CXADR: variants seen among roughly 807,000 people sequenced by gnomAD.
CXADR encodes coxsackievirus and adenovirus receptor.
Under a neutral mutation model 40.3 loss-of-function variants are expected in CXADR, and 20 were observed. The ratio of observed to expected loss-of-function variants is 0.50; its 90% CI spans 0.35 to 0.72. The LOEUF (loss-of-function observed/expected upper bound fraction) is 0.72. CXADR is among the 30% of genes least tolerant of loss of function. The pLI is 0.01. For missense variants in CXADR, 332 were observed against 449.1 expected (o/e 0.74, Z 2.36); for synonymous variants, 150 against 161.3 (o/e 0.93, Z 0.53).
At chr21:17,562,899 G>A (rs777473109) in intron 6 of CXADR, among the ~76,000 whole-genome samples, 15 of 152,278 alleles carry the variant, frequency 9.9e-5, no homozygotes, top group African/African-American at 1.7e-4. Flanking sequence ...ATTGAATAGA[G>A]TTAGGGCCTT....
intron 5 of CXADR, 116 bp downstream of exon 5, chr21:17,560,940 C>T: frequency 7.0e-7 from 1 of 1,432,644 alleles, no homozygotes; most frequent in South Asian, 1.7e-5. Context: ...GATCAGAACA[C>T]TGTGGTTTGA....
At chr21:17,576,245 T>C (rs946055083) in intron 7 of CXADR, among the ~76,000 whole-genome samples, 2 of 152,158 alleles carry the variant, frequency 1.3e-5, no homozygotes, top group Non-Finnish European at 2.9e-5. Flanking sequence ...AGAAATACTT[T>C]GGTCAGGATA....
the CXADR span, among the ~76,000 whole-genome samples, chr21:17,625,457 A>C: frequency 1.3e-5 from 2 of 152,200 alleles, 1 homozygote; most frequent in Non-Finnish European, 2.9e-5. Flanking sequence ...TTATATATGT[A>C]TCAAAATAAT....
downstream of CXADR, among the ~76,000 whole-genome samples, chr21:17,570,631 G>A (rs2061270343): frequency 6.6e-6 from 1 of 152,126 alleles, no homozygotes. Flanking sequence ...ACTTCCCAGA[G>A]GGGCCCCACA....
chr21:17,583,509 CTGT>C (rs1209640288), intron 7 of CXADR, among the ~76,000 whole-genome samples: 1 of 152,160 alleles, frequency 6.6e-6, no homozygotes, highest in African/African-American at 2.4e-5. Context: ...ATATGTATAA[CTGT>C]TGTACATCAT....
chr21:17,593,223 G>A lies in CXADR; in HGVS notation c.*30G>A. ...GGACTACTGAAGAATCTGAAGTATT[G>A]TATTATTTGACTTTATTTTAGGCCT... On this transcript the variant is annotated 3_prime_UTR_variant, in exon 8 of 8. Transcript: ENST00000400169. The A allele has an allele frequency of 5.0e-6, 7 of 1,391,196 alleles. No homozygotes were observed. The Admixed American group carries it at 9.0e-5, about 18-fold the overall frequency. The allele number at this position is 1,391,196 out of a possible 1,614,324, so 86.2% of individuals were successfully genotyped here.
chr21:17,586,005 A>T (rs1264945884), intron 7 of CXADR, among the ~76,000 whole-genome samples: 1 of 152,212 alleles, frequency 6.6e-6, no homozygotes, highest in Non-Finnish European at 1.5e-5. Flanking sequence ...TTCCTGTAGA[A>T]GCTAGATTAT....
chr21:17,551,932 A>C lies in CXADR; in HGVS notation c.394A>C (p.Lys132Gln). The change falls in exon 3 of 7, where the codon AAG becomes CAG. Residue 132 changes from lysine (K) to glutamine (Q), a missense_variant. Physicochemically the swap from Lys to Gln is moderately conservative, Grantham distance 53. Coordinates refer to ENST00000284878, the MANE Select transcript of CXADR (RefSeq NM_001338.5). ...VKKAPGVANK[K>Q]IHLVVLVKPS... The stretch of plus-strand genomic sequence containing the variant: ...AAAAGCTCCTGGTGTTGCAAATAAG[A>C]AGATTCATCTGGTAGTTCTTGGTAA... The C allele has an allele frequency of 6.2e-7, 1 of 1,613,538 alleles. No homozygotes were observed. The highest frequency in any genetic ancestry group is 8.5e-7 in the Non-Finnish European group (1 of 1,179,494).
chr21:17,593,401 T>C (rs945333293), exon 8 of CXADR: 38 of 367,440 alleles, frequency 1.0e-4, no homozygotes, highest in African/African-American at 7.7e-4. Flanking sequence ...TAAAAAACCC[T>C]ATGTATAGTG....
rs2060410091 is a variant in CXADR, at chr21:17,513,058, A to T, written c.-72A>T. 1 of 1,293,596 alleles carries T rather than the reference A, an allele frequency of 7.7e-7. No homozygotes were observed. The highest frequency in any genetic ancestry group is 2.3e-5 in the South Asian group (1 of 42,664). The allele number at this position is 1,293,596 out of a possible 1,614,324, so 80.1% of individuals were successfully genotyped here. ...GCCGCGAGCCAGTCGGGAGCGCGCG[A>T]GGCGCGGGGAGCCTGGGACCAGGAG... On this transcript the variant is annotated 5_prime_UTR_variant, in exon 1 of 7. Transcript: ENST00000284878.
Position 17,531,298 on chromosome 21 carries a change from C to CA in CXADR, c.44-15716dup, listed in dbSNP as rs112689570. Among the ~76,000 whole-genome samples the CA allele has an allele frequency of 3.3e-3, 420 of 128,092 alleles. 3 individuals are homozygous for CA. The South Asian group carries it at 0.037, about 11-fold the overall frequency. The allele number at this position is 128,092 out of a possible 152,430, so 84.0% of individuals were successfully genotyped here. ...TGGGCGACGGAACGAGACTCTGTCT[C>CA]AAAAAAAAAAAAAGAAAAGAAAAAA... On this transcript the variant is annotated intron_variant, in intron 1 of 6. Coordinates refer to ENST00000284878, the MANE Select transcript of CXADR (RefSeq NM_001338.5).
chr21:17,563,891 A>G lies in CXADR; in HGVS notation c.834-1537A>G, dbSNP rs1383012635. Among the ~76,000 whole-genome samples, 3 of 135,096 alleles carry G rather than the reference A, an allele frequency of 2.2e-5. No homozygotes were observed. The East Asian group carries it at 7.5e-4, about 34-fold the overall frequency. The allele number at this position is 135,096 out of a possible 152,430, so 88.6% of individuals were successfully genotyped here. ...GGGAGGTGGAGCTTGCAGTGAGCTG[A>G]GATCACGCCACTGCACTCCAGCCTG... is the stretch of plus-strand genomic sequence containing the variant. On this transcript the variant is annotated intron_variant, in intron 6 of 6. Transcript: ENST00000284878.
chr21:17,531,891 C>T (rs1468969683), intron 1 of CXADR, among the ~76,000 whole-genome samples: 2 of 151,514 alleles, frequency 1.3e-5, no homozygotes, highest in African/African-American at 4.9e-5. Flanking sequence ...GCTACGGTAC[C>T]TAGGGTCTAA....
At chr21:17,539,400 A>G (rs1181304144) in intron 1 of CXADR, among the ~76,000 whole-genome samples, 2 of 152,140 alleles carry the variant, frequency 1.3e-5, no homozygotes, top group Admixed American at 6.5e-5. Context: ...TATCCCTATT[A>G]CCTAAACAGA....
chr21:17,588,589 A>T (rs2061413956), intron 7 of CXADR, among the ~76,000 whole-genome samples: 2 of 152,088 alleles, frequency 1.3e-5, no homozygotes, highest in African/African-American at 2.4e-5. Flanking sequence ...TGGATTCTTC[A>T]TCTTTAATTT....
chr21:17,606,661 A>G, the CXADR span, among the ~76,000 whole-genome samples: 1 of 152,162 alleles, frequency 6.6e-6, no homozygotes, highest in Admixed American at 6.5e-5. Flanking sequence ...CAAAATCTGC[A>G]TACCTTACAT....
rs564415424 is a variant in CXADR at position 17,566,547 on chromosome 21, A to C, written c.*855A>C. 175 of 984,958 alleles carry C rather than the reference A, an allele frequency of 1.8e-4. No homozygotes were observed. The African/African-American group carries it at 2.8e-3, about 16-fold the overall frequency. 61.0% of individuals were successfully genotyped at this position (984,958 alleles called of 1,614,324 possible). A position where few individuals can be genotyped will look rare whatever the true frequency, so the allele number is the denominator to read the frequency against. On this transcript the variant is annotated 3_prime_UTR_variant, in exon 7 of 7. Transcript: ENST00000284878. ...AAGGATGTAGTATCTCATAGTTCCCAGGTGATATTTTTCTTATTAGAAAAA... is the reference window on the plus strand; with the variant it reads ...AAGGATGTAGTATCTCATAGTTCCCCGGTGATATTTTTCTTATTAGAAAAA...
chr21:17,519,599 T>G (rs1319702777), intron 1 of CXADR, among the ~76,000 whole-genome samples: 1 of 152,220 alleles, frequency 6.6e-6, no homozygotes, highest in East Asian at 1.9e-4. Flanking sequence ...TTTCCCACCC[T>G]GTTGACCTGC....
intron 6 of CXADR, among the ~76,000 whole-genome samples, chr21:17,563,319 A>G (rs1451215636): frequency 5.3e-5 from 8 of 151,866 alleles, no homozygotes; most frequent in Admixed American, 3.9e-4. Flanking sequence ...CATGATAACT[A>G]TTCCTTTTAC....
Sources: allele counts gnomAD v4.1 joint callset (sites outside exome capture counted in the v4.1 genomes callset), GRCh38; gene constraint gnomAD v4.1.1; transcripts MANE v1.5; gene names NCBI Gene and HGNC (gene_info 2026-07-23, HGNC 2026-07-21).